RNF144A: variants seen among roughly 807,000 people sequenced by gnomAD.
The protein encoded by RNF144A is ring finger protein 144A, also known as E3 ubiquitin-protein ligase RNF144A.
Under a neutral mutation model 38.7 loss-of-function variants are expected in RNF144A, and 11 were observed. That is an observed-to-expected ratio of 0.28 (90% CI 0.18 to 0.47). RNF144A has a LOEUF of 0.47. Among genes scored for constraint, RNF144A ranks in the 20% least tolerant of loss-of-function variants. The probability of loss-of-function intolerance (pLI) is 0.99; values close to 1 mark genes in which losing one functional copy is unlikely to be tolerated. For synonymous variants in RNF144A, 149 were observed against 143.9 expected, an observed-to-expected ratio of 1.04 and a Z score of -0.25; for missense variants, 316 against 377.2, an observed-to-expected ratio of 0.84 and a Z score of 1.34.
chr2:6,996,447 C>T (rs977631502), intron 2 of RNF144A, among the ~76,000 whole-genome samples: 2 of 151,998 alleles, frequency 1.3e-5, no homozygotes, highest in African/African-American at 4.8e-5. Context: ...AAGTTACTAC[C>T]AGAATGGTAA....
In RNF144A at chr2:7,042,243, G is replaced by T; in HGVS notation, c.*2483G>T. Reference sequence around the variant, plus strand: ...TGGGAATACAGTATGAACCCTGCTTGATGTAAAATGGAAATAGCACACAGG... The same window carrying T: ...TGGGAATACAGTATGAACCCTGCTTTATGTAAAATGGAAATAGCACACAGG... On this transcript the variant is annotated 3_prime_UTR_variant, in exon 9 of 9. Transcript: ENST00000320892. The T allele has an allele frequency of 5.1e-6, 5 of 985,452 alleles. No homozygotes were observed. Among genetic ancestry groups the T allele is most frequent in the Non-Finnish European group, 6.0e-6 (5 of 829,942 alleles). The allele number at this position is 985,452 out of a possible 1,614,324, so 61.0% of individuals were successfully genotyped here. A position where few individuals can be genotyped will look rare whatever the true frequency, so the allele number is the denominator to read the frequency against.
intron 2 of RNF144A, among the ~76,000 whole-genome samples, chr2:6,969,372 C>T (rs751583660): frequency 6.6e-6 from 1 of 152,176 alleles, no homozygotes; most frequent in African/African-American, 2.4e-5. Context: ...CAGAGATACA[C>T]ATAGAAGGAA....
chr2:7,065,893 T>C (rs1167216180), intron 6 of RNF144A, among the ~76,000 whole-genome samples: 3 of 152,214 alleles, frequency 2.0e-5, no homozygotes, highest in African/African-American at 7.2e-5. Context: ...GCGGACTGGG[T>C]AAGAATTTGC....
chr2:6,988,947 C>T (rs936315803), intron 2 of RNF144A, among the ~76,000 whole-genome samples: 10 of 152,156 alleles, frequency 6.6e-5, no homozygotes, highest in African/African-American at 2.4e-4. Flanking sequence ...CAGCTACAGC[C>T]ACTGGGAGCT....
At chr2:7,070,158 C>T (rs1473576468), downstream of RNF144A, among the ~76,000 whole-genome samples, 1 of 151,656 alleles carries the variant, frequency 6.6e-6, no homozygotes, top group Non-Finnish European at 1.5e-5. Context: ...AGCTTTTCTT[C>T]TCTCTCTCTC....
At chr2:7,051,820 G>T (rs1214675162) in intron 6 of RNF144A, among the ~76,000 whole-genome samples, 1 of 152,156 alleles carries the variant, frequency 6.6e-6, no homozygotes, top group Non-Finnish European at 1.5e-5. Flanking sequence ...ATCCAAGAGT[G>T]TGGCTCCCAG....
intron 1 of RNF144A, among the ~76,000 whole-genome samples, chr2:6,936,944 A>G (rs1316868717): frequency 6.6e-6 from 1 of 151,928 alleles, no homozygotes; most frequent in East Asian, 1.9e-4. Flanking sequence ...CAGAGACCAC[A>G]TCTTATTCAC....
At chr2:6,996,051 A>T (rs1197184186) in intron 2 of RNF144A, among the ~76,000 whole-genome samples, 2 of 152,188 alleles carry the variant, frequency 1.3e-5, no homozygotes, top group African/African-American at 4.8e-5. Context: ...TGTGACCACA[A>T]AGCATAGCAA....
intron 6 of RNF144A, among the ~76,000 whole-genome samples, chr2:7,056,130 G>C (rs1673729873): frequency 6.6e-6 from 1 of 152,122 alleles, no homozygotes; most frequent in African/African-American, 2.4e-5. Context: ...CTGTGGTCTT[G>C]GTTCTCTTAC....
chr2:6,920,521 A>G (rs1225284729), intron 1 of RNF144A, among the ~76,000 whole-genome samples: 4 of 152,202 alleles, frequency 2.6e-5, no homozygotes, highest in Non-Finnish European at 5.9e-5. Context: ...GGAACCATTC[A>G]GGATGATATT....
At chr2:6,980,091 C>T (rs1334597828) in intron 2 of RNF144A, among the ~76,000 whole-genome samples, 1 of 152,188 alleles carries the variant, frequency 6.6e-6, no homozygotes, top group Non-Finnish European at 1.5e-5. Context: ...AAACTGCCCC[C>T]ATGATCCAGT....
rs778086689 is a variant in RNF144A, at chr2:6,943,640, G to T, written c.-12+2493G>T. On this transcript the variant is annotated intron_variant, in intron 2 of 8. Coordinates refer to ENST00000320892, the MANE Select transcript of RNF144A (RefSeq NM_014746.6). This position sits in a 1 kb window ranked among gnomAD's most constrained non-coding sequence, Gnocchi z 4.3. ...TTGAGTAGGAGAGAGAGATGGGTTT[G>T]TGGAAAAGTGGAGTTACTGGCTTTA... 5.9e-5 allele frequency among the ~76,000 whole-genome samples: 9 copies of T among 152,286 alleles called. No homozygotes were observed. Among genetic ancestry groups the T allele is most frequent in the Non-Finnish European group, 1.3e-4 (9 of 68,022 alleles).
chr2:6,935,929 C>A (rs1227927959), intron 1 of RNF144A, among the ~76,000 whole-genome samples: 1 of 152,258 alleles, frequency 6.6e-6, no homozygotes, highest in Non-Finnish European at 1.5e-5. Flanking sequence ...TCTTTGACTT[C>A]TTTCTTTCCC....
At position 7,001,953 on chromosome 2, in the gene RNF144A, A is replaced by G. The variant is rs149854220; in HGVS notation, c.135+4892A>G. On this transcript the variant is annotated intron_variant, in intron 3 of 8. Transcript: ENST00000320892. ...ATGATCAACCTCATGAACAAATTAAATGGGGCAATGGGTATAAAGTATTGA... is the reference window on the plus strand; with the variant it reads ...ATGATCAACCTCATGAACAAATTAAGTGGGGCAATGGGTATAAAGTATTGA... Among the ~76,000 whole-genome samples the G allele has an allele frequency of 7.2e-5, 11 of 152,324 alleles. No individual in the cohort carries two copies. In the East Asian group the frequency reaches 1.9e-3, roughly 27 times the overall value.
chr2:7,020,848 C>CATTATTTG, intron 6 of RNF144A, 168 bp downstream of exon 6: 1 of 624,798 alleles, frequency 1.6e-6, no homozygotes, highest in Non-Finnish European at 2.8e-6. Flanking sequence ...ATTTGTATGT[C>CATTATTTG]TATTTATTTT....
intron 5 of RNF144A, among the ~76,000 whole-genome samples, 194 bp downstream of exon 5, chr2:7,014,966 G>A (rs1460646517): frequency 6.6e-6 from 1 of 152,214 alleles, no homozygotes; most frequent in East Asian, 1.9e-4. Flanking sequence ...ACCTTGTCTA[G>A]TGATCTATTT....
At chr2:6,987,055 G>T (rs759221970) in intron 2 of RNF144A, among the ~76,000 whole-genome samples, 1 of 152,042 alleles carries the variant, frequency 6.6e-6, no homozygotes, top group Non-Finnish European at 1.5e-5. Flanking sequence ...GTCAGAACGC[G>T]TGGCTGTGTC....
At chr2:6,967,241 A>G (rs372785884) in intron 2 of RNF144A, among the ~76,000 whole-genome samples, 3 of 152,328 alleles carry the variant, frequency 2.0e-5, no homozygotes, top group Middle Eastern at 3.4e-3. Context: ...TCTTCCTCCA[A>G]TGAGAGTTTA....
At chr2:6,951,281 T>G (rs1032236852) in intron 2 of RNF144A, among the ~76,000 whole-genome samples, 1 of 152,140 alleles carries the variant, frequency 6.6e-6, no homozygotes, top group South Asian at 2.1e-4. Context: ...ATTCATGTTT[T>G]TTTTTTTTTC....
Sources: gnomAD v4.1 joint callset for allele counts (sites outside exome capture counted in the v4.1 genomes callset) on GRCh38, gnomAD v4.1.1 for gene constraint, Gnocchi (gnomAD v3.1) non-coding constraint, MANE v1.5 for transcripts, NCBI Gene and HGNC (gene_info 2026-07-23, HGNC 2026-07-21) for gene names.